Variants in GRIA2 observed in about 807,000 individuals in gnomAD.
GRIA2 encodes the protein glutamate receptor 2.
A neutral mutation model predicts 97.3 loss-of-function variants in GRIA2; 14 were observed. The observed-to-expected ratio is 0.14, with a 90% CI of 0.10 to 0.23. The LOEUF is 0.23. Ranked by LOEUF, GRIA2 falls within the 10% of genes least tolerant of loss-of-function variation. GRIA2 has a pLI of 1.00. For synonymous variants in GRIA2, 412 were observed against 387.8 expected (o/e 1.06, Z -0.73); for missense variants, 558 against 1,069.8 (o/e 0.52, Z 6.67).
intron 4 of GRIA2, 104 bp from the exon 5 acceptor site, chr4:157,317,554 G>C: frequency 2.1e-6 from 1 of 480,338 alleles, no homozygotes. Context: ...AACAAACCTA[G>C]CAGATAAAAT....
At chr4:157,342,151 C>T (rs1235342882) in intron 12 of GRIA2, 12 of 959,322 alleles carry the variant, frequency 1.3e-5, no homozygotes, top group Admixed American at 6.2e-5. Flanking sequence ...TGTTTAAATA[C>T]AGCTGATTAA....
intron 2 of GRIA2, chr4:157,249,750 C>A (rs989265097): frequency 1.3e-5 from 2 of 152,082 alleles, no homozygotes; most frequent in Non-Finnish European, 2.9e-5. Flanking sequence ...CCATTGTAGA[C>A]GCTAAGGATG....
At chr4:157,263,047 G>T (rs1159711975) in intron 2 of GRIA2, among the ~76,000 whole-genome samples, 2 of 152,002 alleles carry the variant, frequency 1.3e-5, no homozygotes, top group African/African-American at 4.8e-5. Context: ...GACTTTTCTG[G>T]TTGACATTTA....
Position 157,359,970 on chromosome 4 carries a change from T to C in GRIA2, c.2118T>C (p.Thr706=). Reference sequence around the variant, plus strand: ...CGGAGCCCTCTGTGTTTGTGAGGACTACGGCCGAAGGGGTGGCTAGAGTGC... The same window carrying C: ...CGGAGCCCTCTGTGTTTGTGAGGACCACGGCCGAAGGGGTGGCTAGAGTGC... ...RSAEPSVFVR[T]TAEGVARVRK... The change falls in exon 13 of 16, where the codon ACT becomes ACC. Residue 706 remains threonine, a synonymous_variant. Coordinates refer to ENST00000264426, the MANE Select transcript of GRIA2 (RefSeq NM_001083619.3). The C allele has an allele frequency of 3.1e-6, 5 of 1,613,914 alleles. No individual in the cohort carries two copies. Among genetic ancestry groups the C allele is most frequent in the Non-Finnish European group, 4.2e-6 (5 of 1,179,888 alleles).
At chr4:157,335,955 T>C in intron 10 of GRIA2, 78 bp downstream of exon 10, 1 of 896,492 alleles carries the variant, frequency 1.1e-6, no homozygotes, top group Non-Finnish European at 1.8e-6. Context: ...CCCTGTGAAG[T>C]ATCTATATCT....
At chr4:157,249,694 T>C (rs937217037) in intron 2 of GRIA2, 11 of 152,164 alleles carry the variant, frequency 7.2e-5, no homozygotes, top group African/African-American at 2.7e-4. Context: ...GGCATTATGC[T>C]TAACGCTTCC....
intron 2 of GRIA2, among the ~76,000 whole-genome samples, chr4:157,242,076 CTT>C (rs1225305013): frequency 6.6e-6 from 1 of 151,974 alleles, no homozygotes; most frequent in Non-Finnish European, 1.5e-5. Context: ...CTATCTTACT[CTT>C]TTGGTAGAGT....
At chr4:157,341,173 CT>C (rs1286235402) in intron 11 of GRIA2, 90 bp from the exon 12 acceptor site, 6 of 816,716 alleles carry the variant, frequency 7.3e-6, no homozygotes, top group African/African-American at 5.1e-5. Flanking sequence ...AAATATTCCC[CT>C]ATAAGTCAAT....
rs747212488 is a variant in GRIA2 at position 157,333,229 on chromosome 4, C to T, written c.1051-20C>T. 2.9e-6 allele frequency: 4 copies of T among 1,371,862 alleles called. No individual in the cohort carries two copies. The highest frequency in any genetic ancestry group is 4.1e-6 in the Non-Finnish European group (4 of 974,648). The allele number at this position is 1,371,862 out of a possible 1,614,324, so 85.0% of individuals were successfully genotyped here. On this transcript the variant is annotated intron_variant, in intron 7 of 15. Transcript: ENST00000264426. ...TTGAAGTAAATATATAACTCTGCTGCTTTCCCATTTCTTCATTAGGTTCAG... is the reference window on the plus strand; with the variant it reads ...TTGAAGTAAATATATAACTCTGCTGTTTTCCCATTTCTTCATTAGGTTCAG...
rs2127010609 is a variant in GRIA2, at chr4:157,365,380, T to C, written c.*1949T>C. The stretch of plus-strand genomic sequence containing the variant: ...AGACTAATTGTTTCCATATTGTACT[T>C]AAAATGAGTTTTTAAAAGTGAAAAA... On this transcript the variant is annotated 3_prime_UTR_variant, in exon 16 of 16. Coordinates refer to ENST00000264426, the MANE Select transcript of GRIA2 (RefSeq NM_001083619.3). 6.6e-6 allele frequency: 1 copy of C among 152,134 alleles called. No individual in the cohort carries two copies. Among genetic ancestry groups the C allele is most frequent in the Non-Finnish European group, 1.5e-5 (1 of 67,640 alleles). The allele number at this position is 152,134 out of a possible 1,614,324, so 9.4% of individuals were successfully genotyped here.
chr4:157,335,442 A>G, intron 9 of GRIA2: 1 of 530,242 alleles, frequency 1.9e-6, no homozygotes, highest in Non-Finnish European at 3.4e-6. Context: ...TTGTTAACTC[A>G]GTATGCTTGC....
intron 2 of GRIA2, among the ~76,000 whole-genome samples, chr4:157,287,009 CCTTCT>C (rs1732876702): frequency 6.6e-6 from 1 of 151,422 alleles, no homozygotes; most frequent in Non-Finnish European, 1.5e-5. Flanking sequence ...AAAATTTCAG[CCTTCT>C]CTTTAAATTA....
At chr4:157,306,752 A>G (rs959709900) in intron 3 of GRIA2, among the ~76,000 whole-genome samples, 3 of 152,148 alleles carry the variant, frequency 2.0e-5, no homozygotes, top group African/African-American at 7.2e-5. Context: ...CTTAATTTTT[A>G]TGGCTTTGCC....
At chr4:157,245,666 A>G (rs769677199) in intron 2 of GRIA2, among the ~76,000 whole-genome samples, 1 of 152,124 alleles carries the variant, frequency 6.6e-6, no homozygotes, top group Non-Finnish European at 1.5e-5. Context: ...GCAATAAATT[A>G]TCAGTATTTG....
rs975320486 is a variant in GRIA2 at position 157,254,706 on chromosome 4, C to T, written c.229+32899C>T. 6.6e-5 allele frequency among the ~76,000 whole-genome samples: 10 copies of T among 152,124 alleles called. No homozygotes were observed. In the South Asian group the frequency reaches 2.1e-3, roughly 32 times the overall value. Reference sequence around the variant, plus strand: ...TCACCCGGAGTTGGAGAGGCTTTAACTTAATCAAATGTGTGTATTTAACCT... The same window carrying T: ...TCACCCGGAGTTGGAGAGGCTTTAATTTAATCAAATGTGTGTATTTAACCT... On this transcript the variant is annotated intron_variant, in intron 2 of 15. Coordinates refer to ENST00000264426, the MANE Select transcript of GRIA2 (RefSeq NM_001083619.3).
chr4:157,354,840 T>C (rs191298520), intron 12 of GRIA2, among the ~76,000 whole-genome samples: 1 of 152,280 alleles, frequency 6.6e-6, no homozygotes, highest in East Asian at 1.9e-4. Context: ...TTTCTAGAGC[T>C]TGGGCAGTGG....
Position 157,303,671 on chromosome 4 carries a change from C to G in GRIA2, c.349C>G (p.Pro117Ala). Residue 117 changes from proline (P) to alanine (A), a missense_variant, in exon 3 of 16, where the codon CCA (proline) becomes GCA (alanine). Physicochemically the swap from Pro to Ala is conservative, Grantham distance 27. Around this residue, in one of 8 missense-constraint regions of GRIA2, gnomAD observed 96 missense variants for 176.6 expected, o/e 0.54. Transcript: ENST00000264426. ...CGTCTCCTTCATCACTCCCAGCTTC[C>G]CAACAGATGGCACACATCCATTTGT... ...LHVSFITPSF[P>A]TDGTHPFVIQ... 3 of 1,614,052 alleles carry G rather than the reference C, an allele frequency of 1.9e-6. No individual in the cohort carries two copies. Among genetic ancestry groups the G allele is most frequent in the Non-Finnish European group, 2.5e-6 (3 of 1,179,988 alleles).
intron 2 of GRIA2, among the ~76,000 whole-genome samples, chr4:157,267,492 C>T (rs940886197): frequency 4.0e-5 from 6 of 150,616 alleles, no homozygotes; most frequent in Admixed American, 3.3e-4. Flanking sequence ...TTTCTGCTAA[C>T]ATTTTTGTTA....
rs3924507 is a variant in GRIA2, at chr4:157,359,805, T to C, written c.2044-91T>C. ...TTGTTCATATTGTGTATATCATCTATGTTTTGAAAAGTAATACCTCTTTTT... is the reference window on the plus strand; with the variant it reads ...TTGTTCATATTGTGTATATCATCTACGTTTTGAAAAGTAATACCTCTTTTT... On this transcript the variant is annotated intron_variant, in intron 12 of 15. Transcript: ENST00000264426. 1.9e-5 allele frequency: 21 copies of C among 1,111,896 alleles called. 1 individual carries two copies. The highest frequency in any genetic ancestry group is 1.2e-4 in the South Asian group (8 of 67,238). The allele number at this position is 1,111,896 out of a possible 1,614,324, so 68.9% of individuals were successfully genotyped here.
Sources: allele counts gnomAD v4.1 joint callset (sites outside exome capture counted in the v4.1 genomes callset), GRCh38; gene constraint gnomAD v4.1.1; regional missense constraint gnomAD v4.1.1; transcripts MANE v1.5; gene names NCBI Gene and HGNC (gene_info 2026-07-23, HGNC 2026-07-21).